The following LAMC3 variants were observed in gnomAD, a reference collection of about 807,000 sequenced individuals.
LAMC3 encodes laminin subunit gamma 3, also known as laminin subunit gamma-3.
In LAMC3, 128 loss-of-function variants were observed where a neutral mutation model predicts 173.8. That is an observed-to-expected ratio of 0.74 (90% confidence interval 0.64 to 0.85). The LOEUF is 0.85. LAMC3 is among the 40% of genes least tolerant of loss of function. The pLI is 0.00. For missense variants in LAMC3, 2,022 were observed against 2,156.0 expected (o/e 0.94, Z 1.23); for synonymous variants, 897 against 909.1 (o/e 0.99, Z 0.24).
At chr9:131,089,544 ATTTTTTT>A (rs59946569) in intron 27 of LAMC3, among the ~76,000 whole-genome samples, 8 of 139,166 alleles carry the variant, frequency 5.7e-5, no homozygotes, top group East Asian at 2.1e-4. Context: ...CACCCAGCTA[ATTTTTTT>A]TTTTTTTTTT....
intron 8 of LAMC3, among the ~76,000 whole-genome samples, chr9:131,046,415 C>T (rs1469393516): frequency 6.6e-6 from 1 of 151,076 alleles, no homozygotes. Context: ...TGTCTTTAGA[C>T]CCAGGCTGGT....
chr9:131,076,814 C>T (rs1381415543), intron 21 of LAMC3, among the ~76,000 whole-genome samples: 1 of 152,180 alleles, frequency 6.6e-6, no homozygotes, highest in Admixed American at 6.5e-5. Flanking sequence ...CATGGCCGAG[C>T]CAGGACCAGG....
chr9:131,065,609 G>T (rs1053643171), intron 13 of LAMC3, among the ~76,000 whole-genome samples: 1 of 152,162 alleles, frequency 6.6e-6, no homozygotes, highest in Non-Finnish European at 1.5e-5. Flanking sequence ...TGACAATGAG[G>T]TGATGATAAA....
intron 12 of LAMC3, among the ~76,000 whole-genome samples, chr9:131,059,563 C>T (rs1023886717): frequency 2.3e-4 from 30 of 129,292 alleles, no homozygotes; most frequent in Admixed American, 2.2e-3. Context: ...CAACCACACG[C>T]CACACGCCAC....
Position 131,009,628 on chromosome 9 carries a change from C to T in LAMC3, c.373+41C>T, listed in dbSNP as rs770337863. 1.3e-6 allele frequency: 2 copies of T among 1,549,280 alleles called. No homozygotes were observed. Among genetic ancestry groups the T allele is most frequent in the Admixed American group, 3.9e-5 (2 of 51,792 alleles). ...GGGCACCGCCACCGCACCCCGTGTC[C>T]CCACTCCACTGGGGGTCTGAGGCTG... On this transcript the variant is annotated intron_variant, in intron 1 of 27. Coordinates refer to ENST00000361069, the MANE Select transcript of LAMC3 (RefSeq NM_006059.4). The surrounding 1 kb of genome is among the most constrained non-coding windows in gnomAD (Gnocchi z 4.3).
intron 3 of LAMC3, among the ~76,000 whole-genome samples, chr9:131,034,584 G>C (rs376629912): frequency 5.9e-5 from 9 of 152,370 alleles, no homozygotes; most frequent in East Asian, 3.9e-4. Context: ...TTCAGCTCCA[G>C]CTCAGCCACT....
rs116142345 is a variant in LAMC3 at position 131,029,073 on chromosome 9, G to C, written c.678+2484G>C. Among the ~76,000 whole-genome samples the C allele has an allele frequency of 1.3e-5, 2 of 152,294 alleles. No homozygotes were observed. Among genetic ancestry groups the C allele is most frequent in the African/African-American group, 4.8e-5 (2 of 41,570 alleles). On this transcript the variant is annotated intron_variant, in intron 2 of 27. Coordinates refer to ENST00000361069, the MANE Select transcript of LAMC3 (RefSeq NM_006059.4). The surrounding 1 kb of genome is among the most constrained non-coding windows in gnomAD (Gnocchi z 4.6). ...GTGAAGCCGATTCTGTGTGGCCCGA[G>C]GCCCCCACCGCAAATCACATCATCC...
Position 131,052,602 on chromosome 9 carries a change from G to A in LAMC3, c.1742G>A (p.Gly581Asp). ...LPVQLRLEGTGLALSLRHSSL... is the reference protein window; with the variant it reads ...LPVQLRLEGTDLALSLRHSSL... ...GTACAGCTGAGGCTGGAAGGGACAG[G>A]CTTGGCCCTGTCCCTGAGGCACTCT... The change falls in exon 10 of 28, where the codon GGC (glycine) becomes GAC (aspartate). Residue 581 changes from glycine (G) to aspartate (D), a missense_variant. Coordinates refer to ENST00000361069, the MANE Select transcript of LAMC3 (RefSeq NM_006059.4). 1.2e-6 allele frequency: 2 copies of A among 1,614,044 alleles called. No individual in the cohort carries two copies. The highest frequency in any genetic ancestry group is 1.7e-6 in the Non-Finnish European group (2 of 1,179,992).
chr9:131,049,240 G>A, intron 9 of LAMC3, 110 bp downstream of exon 9: 1 of 748,942 alleles, frequency 1.3e-6, no homozygotes, highest in Non-Finnish European at 2.4e-6. Context: ...TTCTCTTAGA[G>A]TTCTGGAGAA....
At chr9:131,012,850 G>A (rs1043751091) in intron 1 of LAMC3, among the ~76,000 whole-genome samples, 1 of 152,248 alleles carries the variant, frequency 6.6e-6, no homozygotes, top group Non-Finnish European at 1.5e-5. Flanking sequence ...GGCAGGGAAG[G>A]AGATGGAGGT....
Position 131,061,197 on chromosome 9 carries a change from G to A in LAMC3, c.2321G>A (p.Cys774Tyr), listed in dbSNP as rs754830848. 6.8e-6 allele frequency: 11 copies of A among 1,609,312 alleles called. No homozygotes were observed. The highest frequency in any genetic ancestry group is 3.3e-5 in the South Asian group (3 of 91,050). ...TTIPESREVV[C>Y]THCPPGQRGR... is the part of the protein sequence containing the mutation. ...ATCCCAGAGAGCCGGGAGGTGGTGT[G>A]TACCCACTGCCCCCCGGGCCAGAGA... Residue 774 changes from cysteine (C) to tyrosine (Y), a missense_variant, in exon 13 of 28, where the codon TGT (cysteine) becomes TAT (tyrosine). Physicochemically the swap from Cys to Tyr is radical, Grantham distance 194. Coordinates refer to ENST00000361069, the MANE Select transcript of LAMC3 (RefSeq NM_006059.4).
intron 4 of LAMC3, among the ~76,000 whole-genome samples, chr9:131,038,164 A>G (rs1244937616): frequency 1.3e-5 from 2 of 152,112 alleles, no homozygotes. Flanking sequence ...CAGCGCGGCC[A>G]TGACTTCCTC....
In LAMC3 at chr9:131,072,706, G is replaced by A; in HGVS notation, c.3288G>A (p.Arg1096=). ...AVKAAREQLQ[R]LNKGARCAQA... The stretch of plus-strand genomic sequence containing the variant: ...AGGCCGCCCGGGAGCAGCTGCAGAG[G>A]CTGAACAAGGGTGCCCGCTGTGCCC... Residue 1096 remains arginine (R), a synonymous_variant, in exon 19 of 28, where the codon AGG becomes AGA. Coordinates refer to ENST00000361069, the MANE Select transcript of LAMC3 (RefSeq NM_006059.4). The A allele has an allele frequency of 6.2e-7, 1 of 1,612,344 alleles. No individual in the cohort carries two copies. Among genetic ancestry groups the A allele is most frequent in the South Asian group, 1.1e-5 (1 of 90,746 alleles).
chr9:131,077,613 G>C (rs547998209), intron 22 of LAMC3, among the ~76,000 whole-genome samples: 1 of 139,348 alleles, frequency 7.2e-6, no homozygotes, highest in Admixed American at 7.8e-5. Flanking sequence ...GGAGGCAGAG[G>C]CTGCAGTGAG....
chr9:131,053,098 C>A (rs1284219671), intron 11 of LAMC3, 133 bp downstream of exon 11: 3 of 755,902 alleles, frequency 4.0e-6, no homozygotes, highest in African/African-American at 1.7e-5. Flanking sequence ...CAAGAAGGAA[C>A]CTTAGTCAAA....
chr9:131,033,911 C>G (rs1833896274), intron 3 of LAMC3, among the ~76,000 whole-genome samples: 1 of 152,128 alleles, frequency 6.6e-6, no homozygotes, highest in African/African-American at 2.4e-5. Flanking sequence ...GGCTCAAATG[C>G]CTGCTTTGGG....
intron 1 of LAMC3, among the ~76,000 whole-genome samples, chr9:131,021,731 C>T (rs1416127219): frequency 1.3e-5 from 2 of 152,182 alleles, no homozygotes; most frequent in Admixed American, 6.5e-5. Context: ...AAGTCTAGGC[C>T]TCACGAACTT....
In LAMC3 at chr9:131,083,943, C is replaced by T. The variant is rs540058178; in HGVS notation, c.4031-1581C>T. On this transcript the variant is annotated intron_variant, in intron 24 of 27. Transcript: ENST00000361069. The stretch of plus-strand genomic sequence containing the variant: ...AGGCTGGAGTACAGTGGCATGATCT[C>T]GGCTCACTGCAACCTCTGCCTTCTG... 4.7e-3 allele frequency among the ~76,000 whole-genome samples: 615 copies of T among 129,772 alleles called. 6 individuals are homozygous for T. The highest frequency in any genetic ancestry group is 0.018 in the African/African-American group (597 of 34,052). 85.1% of individuals were successfully genotyped at this position (129,772 alleles called of 152,430 possible). A position where few individuals can be genotyped will look rare whatever the true frequency, so the allele number is the denominator to read the frequency against.
chr9:131,079,110 C>G, intron 22 of LAMC3, 39 bp from the exon 23 acceptor site: 1 of 1,606,310 alleles, frequency 6.2e-7, no homozygotes, highest in South Asian at 1.1e-5. Flanking sequence ...GCTTGCCCTT[C>G]CTTTCCAGGC....
Sources: allele counts gnomAD v4.1 joint callset (sites outside exome capture counted in the v4.1 genomes callset), GRCh38; gene constraint gnomAD v4.1.1; non-coding constraint Gnocchi (gnomAD v3.1); transcripts MANE v1.5; gene names NCBI Gene and HGNC (gene_info 2026-07-23, HGNC 2026-07-21).